STARD13: variants seen among roughly 807,000 people sequenced by gnomAD.
STARD13 encodes StAR related lipid transfer domain containing 13.
In STARD13, 62 loss-of-function variants were observed where a neutral mutation model predicts 106.4. The ratio of observed to expected loss-of-function variants is 0.58; its 90% CI spans 0.48 to 0.72. The LOEUF is 0.72. Among genes scored for constraint, STARD13 ranks in the 30% least tolerant of loss-of-function variants. The probability of loss-of-function intolerance (pLI) is 0.00; values close to 1 mark genes in which losing one functional copy is unlikely to be tolerated. For synonymous variants in STARD13, 565 were observed against 553.0 expected (o/e 1.02, Z -0.31); for missense variants, 1,387 against 1,424.0 (o/e 0.97, Z 0.42).
the STARD13 span, among the ~76,000 whole-genome samples, chr13:33,522,024 A>G: frequency 6.6e-6 from 1 of 152,148 alleles, no homozygotes; most frequent in Non-Finnish European, 1.5e-5. Flanking sequence ...GAAAATCAAT[A>G]AATATCTAAT....
chr13:33,281,494 C>T (rs1483332125), intron 1 of STARD13: 1 of 150,070 alleles, frequency 6.7e-6, no homozygotes, highest in Admixed American at 6.7e-5. Context: ...TCAAAACCAC[C>T]AAATAATGAT....
chr13:33,484,092 G>T, the STARD13 span, among the ~76,000 whole-genome samples: 1 of 152,138 alleles, frequency 6.6e-6, no homozygotes, highest in Non-Finnish European at 1.5e-5. Context: ...AGAAAATTAA[G>T]ACAGTGGAAG....
At position 33,129,251 on chromosome 13, in the gene STARD13, C is replaced by G. The variant is rs779704810; in HGVS notation, c.1426G>C (p.Asp476His). The part of the protein sequence containing the change: ...HLYASTGDLL[D>H]LEKDDLFPHL... ...GGGAAAAGGTCATCTTTCTCCAAGT[C>G]CAAAAGATCTCCTGTGCTGGCATAC... Residue 476 changes from aspartate to histidine, a missense_variant, in exon 5 of 14, where the codon GAC becomes CAC. Physicochemically the swap from Asp to His is moderately conservative, Grantham distance 81 (BLOSUM62 -1). Coordinates refer to ENST00000336934, the MANE Select transcript of STARD13 (RefSeq NM_178006.4). 1.2e-5 allele frequency: 19 copies of G among 1,614,058 alleles called. No homozygotes were observed. The highest frequency in any genetic ancestry group is 1.6e-5 in the Non-Finnish European group (19 of 1,180,022).
At chr13:33,663,528 A>T in the STARD13 span, among the ~76,000 whole-genome samples, 4 of 152,220 alleles carry the variant, frequency 2.6e-5, no homozygotes, top group African/African-American at 9.6e-5. Flanking sequence ...CCTTTGTCAT[A>T]TATTTAGCTA....
the STARD13 span, among the ~76,000 whole-genome samples, chr13:33,673,995 G>GA: frequency 1.3e-5 from 2 of 151,896 alleles, no homozygotes; most frequent in Non-Finnish European, 1.5e-5. Flanking sequence ...CGAGTAGCTG[G>GA]AATTACAGGC....
At chr13:33,332,682 C>G (rs183309059) in intron 1 of STARD13, among the ~76,000 whole-genome samples, 1 of 152,204 alleles carries the variant, frequency 6.6e-6, no homozygotes, top group Non-Finnish European at 1.5e-5. Flanking sequence ...ACCTGAGACA[C>G]CTTTTCTGTT....
intron 1 of STARD13, among the ~76,000 whole-genome samples, chr13:33,227,424 G>T (rs531198604): frequency 2.0e-5 from 3 of 152,054 alleles, no homozygotes; most frequent in Non-Finnish European, 4.4e-5. Context: ...AATCTAAAAG[G>T]AGGCATGGAA....
At chr13:33,534,304 A>G in the STARD13 span, among the ~76,000 whole-genome samples, 1 of 152,186 alleles carries the variant, frequency 6.6e-6, no homozygotes, top group African/African-American at 2.4e-5. Flanking sequence ...TTGGAATGGT[A>G]TTCAAGCTCA....
chr13:33,584,891 T>A, the STARD13 span, among the ~76,000 whole-genome samples: 1 of 152,114 alleles, frequency 6.6e-6, no homozygotes, highest in Non-Finnish European at 1.5e-5. Flanking sequence ...TTCTTGCTCC[T>A]GCTCTGGCCA....
At chr13:33,623,198 A>C in the STARD13 span, among the ~76,000 whole-genome samples, 15 of 152,286 alleles carry the variant, frequency 9.8e-5, no homozygotes, top group Admixed American at 9.8e-4. Context: ...CATTTAAAGA[A>C]TAATATTGCA....
In STARD13 at chr13:33,104,752, G is replaced by T. The variant is rs1873482955; in HGVS notation, c.*841C>A. Reference sequence around the variant, plus strand: ...ATCTTGACTTGGGGTCTGTAGTGATGGGCATGGGAGCGAGAGGTATCGCTT... The same window carrying T: ...ATCTTGACTTGGGGTCTGTAGTGATTGGCATGGGAGCGAGAGGTATCGCTT... On this transcript the variant is annotated 3_prime_UTR_variant, in exon 14 of 14. Transcript: ENST00000336934. 1.3e-5 allele frequency: 2 copies of T among 153,622 alleles called. No individual in the cohort carries two copies. The highest frequency in any genetic ancestry group is 3.4e-3 in the Middle Eastern group (1 of 294). 9.5% of individuals were successfully genotyped at this position (153,622 alleles called of 1,614,324 possible). A position where few individuals can be genotyped will look rare whatever the true frequency, so the allele number is the denominator to read the frequency against.
chr13:33,338,533 C>A (rs564403709), intron 1 of STARD13, among the ~76,000 whole-genome samples: 1 of 152,090 alleles, frequency 6.6e-6, no homozygotes, highest in South Asian at 2.1e-4. Flanking sequence ...TGGATCGATA[C>A]GAGATGCTGC....
the STARD13 span, chr13:33,383,754 C>CAAAAAAA: frequency 7.2e-4 from 20 of 27,770 alleles, no homozygotes; most frequent in Non-Finnish European, 8.1e-4. Context: ...GAGACTGTCT[C>CAAAAAAA]AAAAAAAAAA....
chr13:33,500,539 A>T, the STARD13 span, among the ~76,000 whole-genome samples: 2 of 152,162 alleles, frequency 1.3e-5, no homozygotes, highest in African/African-American at 4.8e-5. Context: ...CCTGAACAGA[A>T]TGTATTAAAG....
the STARD13 span, among the ~76,000 whole-genome samples, chr13:33,432,480 A>G: frequency 6.6e-6 from 1 of 152,172 alleles, no homozygotes; most frequent in Non-Finnish European, 1.5e-5. Context: ...AGCTTCACAA[A>G]ACAACCTAAG....
At chr13:33,106,457 G>A (rs1190103735) in intron 13 of STARD13, among the ~76,000 whole-genome samples, 1 of 152,164 alleles carries the variant, frequency 6.6e-6, no homozygotes, top group Non-Finnish European at 1.5e-5. Flanking sequence ...CTGATTTACT[G>A]AGTACCTACT....
At chr13:33,181,159 A>C (rs1885189901) in intron 1 of STARD13, among the ~76,000 whole-genome samples, 1 of 152,046 alleles carries the variant, frequency 6.6e-6, no homozygotes, top group African/African-American at 2.4e-5. Context: ...TGCCCCTTGG[A>C]GGCCTAAGGC....
At chr13:33,611,393 C>G in the STARD13 span, 1 of 152,250 alleles carries the variant, frequency 6.6e-6, no homozygotes, top group Non-Finnish European at 1.5e-5. Flanking sequence ...AAAATTCTTT[C>G]CAACGCTTGA....
the STARD13 span, among the ~76,000 whole-genome samples, chr13:33,669,343 T>C: frequency 1.3e-5 from 2 of 152,040 alleles, no homozygotes; most frequent in East Asian, 1.9e-4. Context: ...GCTTCTCTGA[T>C]TTTCATCCCC....
Sources: gnomAD v4.1 joint callset for allele counts (sites outside exome capture counted in the v4.1 genomes callset) on GRCh38, gnomAD v4.1.1 for gene constraint, MANE v1.5 for transcripts, NCBI Gene and HGNC (gene_info 2026-07-23, HGNC 2026-07-21) for gene names.